The following ZNF469 variants were observed in gnomAD, a reference collection of about 807,000 sequenced individuals.
ZNF469 encodes zinc finger protein 469.
ZNF469 carries 1 observed loss-of-function variant against 1.0 expected under a neutral mutation model. That is an observed-to-expected ratio of 1.00 (90% CI 0.35 to 4.73). The LOEUF (loss-of-function observed/expected upper bound fraction) is 4.73, where lower values mean the gene tolerates loss of function less well. Ranked by LOEUF, ZNF469 falls within the 30% of genes most tolerant of loss-of-function variation. The pLI is 0.16. For synonymous variants in ZNF469, 2,703 were observed against 2,363.4 expected (o/e 1.14, Z -4.17); for missense variants, 6,100 against 5,356.3 (o/e 1.14, Z -4.33).
chr16:88,265,841 C>T, the ZNF469 span, among the ~76,000 whole-genome samples: 1 of 152,262 alleles, frequency 6.6e-6, no homozygotes, highest in Non-Finnish European at 1.5e-5. Context: ...ACTCCCTTGG[C>T]TGCCTCCAGG....
At chr16:88,273,891 G>C in the ZNF469 span, among the ~76,000 whole-genome samples, 1 of 149,448 alleles carries the variant, frequency 6.7e-6, no homozygotes, top group Non-Finnish European at 1.5e-5. Context: ...TGCAAGCTCC[G>C]CCTCCCGGGT....
chr16:88,423,910 G>A (rs1262249611), intron 1 of ZNF469, among the ~76,000 whole-genome samples: 1 of 152,254 alleles, frequency 6.6e-6, no homozygotes, highest in African/African-American at 2.4e-5. Flanking sequence ...TAGCAGTGAG[G>A]CGGTAAGCTC....
chr16:88,302,891 G>A, the ZNF469 span, among the ~76,000 whole-genome samples: 4 of 152,304 alleles, frequency 2.6e-5, no homozygotes, highest in East Asian at 5.8e-4. Flanking sequence ...CCAGCTGTGG[G>A]GCTGCCGAAA....
At chr16:88,204,111 C>T in the ZNF469 span, among the ~76,000 whole-genome samples, 1 of 151,336 alleles carries the variant, frequency 6.6e-6, no homozygotes, top group Admixed American at 6.6e-5. Flanking sequence ...TGCCCCGTAA[C>T]CCCACAGAGC....
the ZNF469 span, among the ~76,000 whole-genome samples, chr16:88,280,519 C>T: frequency 1.3e-5 from 2 of 148,340 alleles, no homozygotes; most frequent in Non-Finnish European, 3.0e-5. Flanking sequence ...CAGTCCCATG[C>T]CGATGTCAGC....
chr16:88,406,537 G>A (rs1057088688), intron 1 of ZNF469, among the ~76,000 whole-genome samples: 3 of 152,200 alleles, frequency 2.0e-5, no homozygotes, highest in African/African-American at 7.2e-5. Context: ...GGAAGGACCC[G>A]TGCTTTGGTT....
chr16:88,275,196 A>G, the ZNF469 span, among the ~76,000 whole-genome samples: 3 of 152,080 alleles, frequency 2.0e-5, no homozygotes, highest in Admixed American at 6.5e-5. Context: ...CTGCTTTTTT[A>G]TGTCTCGCTG....
the ZNF469 span, among the ~76,000 whole-genome samples, chr16:88,277,211 C>T: frequency 5.5e-3 from 692 of 126,456 alleles, 9 homozygotes; most frequent in Non-Finnish European, 8.4e-3. Context: ...TATCAGTGCA[C>T]GGTTAGTGCT....
In ZNF469 at chr16:88,433,211, A is replaced by C. The variant is rs1375329531; in HGVS notation, c.5741A>C (p.Lys1914Thr). Residue 1914 changes from lysine to threonine, a missense_variant, in exon 3 of 3, where the codon AAG becomes ACG. Coordinates refer to ENST00000565624, the MANE Select transcript of ZNF469 (RefSeq NM_001367624.2). ...CAGCTCCCAGGGCCTGGAGTGGCTAAGAGTAAAGATGGCATCCTGGGCTTG... is the reference window on the plus strand; with the variant it reads ...CAGCTCCCAGGGCCTGGAGTGGCTACGAGTAAAGATGGCATCCTGGGCTTG... ...QLQLPGPGVA[K>T]SKDGILGLQE... is the part of the protein sequence containing the mutation. 5 of 1,550,304 alleles carry C rather than the reference A, an allele frequency of 3.2e-6. No individual in the cohort carries two copies. The highest frequency in any genetic ancestry group is 2.6e-6 in the Non-Finnish European group (3 of 1,146,950).
the ZNF469 span, among the ~76,000 whole-genome samples, chr16:88,198,182 CG>C: frequency 4.6e-5 from 7 of 152,160 alleles, no homozygotes; most frequent in Admixed American, 4.6e-4. Flanking sequence ...CTGCATTGCA[CG>C]GGGTGAGATG....
chr16:88,226,624 A>T, the ZNF469 span, among the ~76,000 whole-genome samples: 5 of 152,082 alleles, frequency 3.3e-5, no homozygotes, highest in Non-Finnish European at 1.5e-5. Flanking sequence ...CCTTCTGGAA[A>T]GCAGATGTCA....
In ZNF469 at chr16:88,436,512, A is replaced by G; in HGVS notation, c.9042A>G (p.Gly3014=). The G allele has an allele frequency of 6.5e-7, 1 of 1,548,656 alleles. No individual in the cohort carries two copies. The highest frequency in any genetic ancestry group is 8.7e-7 in the Non-Finnish European group (1 of 1,146,928). ...CCGATGACTCCTCCTCTTCTCTCGG[A>G]GATGTGAGCCCCGAGCCCCCCAGCC... ...APADDSSSSL[G]DVSPEPPSLE... is the part of the protein sequence containing the mutation. Residue 3014 remains glycine (G), a synonymous_variant, in exon 3 of 3, where the codon GGA becomes GGG. Transcript: ENST00000565624.
the ZNF469 span, among the ~76,000 whole-genome samples, chr16:88,265,650 A>G: frequency 3.3e-5 from 5 of 152,276 alleles, no homozygotes; most frequent in South Asian, 8.3e-4. Flanking sequence ...CTCAGCCTCA[A>G]TGTTCCCGTC....
chr16:88,234,692 A>C, the ZNF469 span: 2 of 152,180 alleles, frequency 1.3e-5, no homozygotes, highest in African/African-American at 2.4e-5. Flanking sequence ...TCCGATGGGG[A>C]GGCTGGACAC....
At chr16:88,143,462 C>CA in the ZNF469 span, among the ~76,000 whole-genome samples, 1 of 152,114 alleles carries the variant, frequency 6.6e-6, no homozygotes, top group Non-Finnish European at 1.5e-5. Context: ...GATGCCCCCC[C>CA]ACTCCTTCCC....
the ZNF469 span, among the ~76,000 whole-genome samples, chr16:88,368,550 A>T: frequency 6.6e-6 from 1 of 152,090 alleles, no homozygotes; most frequent in Non-Finnish European, 1.5e-5. Flanking sequence ...GTCTGGAGAG[A>T]GTGGCCTGGG....
intron 1 of ZNF469, among the ~76,000 whole-genome samples, chr16:88,391,141 C>A (rs1423317803): frequency 6.6e-6 from 1 of 152,238 alleles, no homozygotes; most frequent in East Asian, 1.9e-4. Flanking sequence ...AGACTGTGGC[C>A]AAGTCCCCCG....
the ZNF469 span, among the ~76,000 whole-genome samples, chr16:88,110,348 A>T: frequency 1.3e-5 from 2 of 152,238 alleles, no homozygotes; most frequent in Non-Finnish European, 2.9e-5. Context: ...CGCTTGGAGA[A>T]TTCTGCTCCC....
chr16:88,330,460 C>T, the ZNF469 span, among the ~76,000 whole-genome samples: 1 of 152,244 alleles, frequency 6.6e-6, no homozygotes, highest in Non-Finnish European at 1.5e-5. Context: ...TCCACACCGT[C>T]CTTAGCACGC....
Sources: allele counts gnomAD v4.1 joint callset (sites outside exome capture counted in the v4.1 genomes callset), GRCh38; gene constraint gnomAD v4.1.1; transcripts MANE v1.5; gene names NCBI Gene and HGNC (gene_info 2026-07-23, HGNC 2026-07-21).